MAP3K5: variants seen among roughly 807,000 people sequenced by gnomAD.
MAP3K5 encodes ASK-1.
Under a neutral mutation model 158.7 loss-of-function variants are expected in MAP3K5, and 56 were observed. The ratio of observed to expected loss-of-function variants is 0.35; its 90% CI spans 0.28 to 0.44. MAP3K5 has a LOEUF of 0.44. MAP3K5 is among the 20% of genes least tolerant of loss of function. MAP3K5 has a pLI of 1.00. For missense variants in MAP3K5, 1,294 were observed against 1,674.8 expected, an observed-to-expected ratio of 0.77 and a Z score of 3.97; for synonymous variants, 579 against 601.7, an observed-to-expected ratio of 0.96 and a Z score of 0.55.
At chr6:136,681,949 C>T (rs546604748) in intron 7 of MAP3K5, among the ~76,000 whole-genome samples, 9 of 152,204 alleles carry the variant, frequency 5.9e-5, no homozygotes, top group African/African-American at 2.2e-4. Context: ...TCTTAGACCT[C>T]AACTTGGTCA....
intron 7 of MAP3K5, among the ~76,000 whole-genome samples, chr6:136,679,420 T>A (rs7753357): frequency 0.18 from 27,691 of 152,136 alleles, 4,029 homozygotes; most frequent in African/African-American, 0.4. Context: ...AAAGGTAATT[T>A]AATTAGAATT....
intron 20 of MAP3K5, 135 bp downstream of exon 20, chr6:136,601,667 G>A: frequency 1.3e-6 from 1 of 761,056 alleles, no homozygotes; most frequent in Non-Finnish European, 2.1e-6. Flanking sequence ...AAATGCCTGA[G>A]AACACTGTGC....
At chr6:136,623,422 T>A (rs1413294101) in intron 14 of MAP3K5, among the ~76,000 whole-genome samples, 1 of 152,192 alleles carries the variant, frequency 6.6e-6, no homozygotes, top group Non-Finnish European at 1.5e-5. Flanking sequence ...ACCGAAAGGC[T>A]TTGGGTAAGA....
intron 3 of MAP3K5, among the ~76,000 whole-genome samples, 198 bp downstream of exon 3, chr6:136,704,912 C>A (rs1281330581): frequency 6.6e-6 from 1 of 152,032 alleles, no homozygotes; most frequent in Non-Finnish European, 1.5e-5. Context: ...GTATCAGTGC[C>A]ATCTCTCATT....
chr6:136,694,210 G>C lies in MAP3K5; in HGVS notation c.1183C>G (p.Arg395Gly). ...TCCAAAAACATATCTTTGTAGATTCGACCAACTAGGCAATACATATCTGAA... is the reference window on the plus strand; with the variant it reads ...TCCAAAAACATATCTTTGTAGATTCCACCAACTAGGCAATACATATCTGAA... ...VASDMYCLVG[R>G]IYKDMFLDSN... Residue 395 changes from arginine to glycine, a missense_variant, in exon 7 of 30, where the codon CGA becomes GGA. Around this residue, in one of 5 missense-constraint regions of MAP3K5, gnomAD observed 690 missense variants for 870.5 expected, o/e 0.79. Transcript: ENST00000359015. The C allele has an allele frequency of 1.2e-6, 2 of 1,613,624 alleles. No individual in the cohort carries two copies. Among genetic ancestry groups the C allele is most frequent in the South Asian group, 1.1e-5 (1 of 91,062 alleles).
At chr6:136,712,815 G>C (rs918489853) in intron 2 of MAP3K5, among the ~76,000 whole-genome samples, 2 of 152,246 alleles carry the variant, frequency 1.3e-5, no homozygotes, top group South Asian at 4.1e-4. Flanking sequence ...TAAGTCTCAC[G>C]AGGTCTGATG....
chr6:136,611,319 C>A lies in MAP3K5; in HGVS notation c.2484G>T (p.Arg828Ser). 1 of 1,613,372 alleles carries A rather than the reference C, an allele frequency of 6.2e-7. No homozygotes were observed. Among genetic ancestry groups the A allele is most frequent in the Non-Finnish European group, 8.5e-7 (1 of 1,179,568 alleles). Residue 828 changes from arginine to serine, a missense_variant, in exon 18 of 30, where the codon AGG (arginine) becomes AGT (serine). Physicochemically the swap from Arg to Ser is moderately radical, Grantham distance 110. This residue lies in a region of MAP3K5 where 362 missense variants were observed against 463.2 expected (regional missense o/e 0.78). Transcript: ENST00000359015. Reference sequence around the variant, plus strand: ...CAGTACAGGGGTTTATGCCAGCAAGCCTCTTTGATGTTCCGAAGTCAGAGA... The same window carrying A: ...CAGTACAGGGGTTTATGCCAGCAAGACTCTTTGATGTTCCGAAGTCAGAGA... ...LKISDFGTSK[R>S]LAGINPCTET...
intron 1 of MAP3K5, among the ~76,000 whole-genome samples, chr6:136,753,400 T>C (rs1783312353): frequency 6.6e-6 from 1 of 152,148 alleles, no homozygotes; most frequent in African/African-American, 2.4e-5. Context: ...GCATGCAGAA[T>C]GGTAAGGATG....
chr6:136,784,342 C>T (rs570392762), intron 1 of MAP3K5, among the ~76,000 whole-genome samples: 5 of 152,204 alleles, frequency 3.3e-5, no homozygotes, highest in African/African-American at 4.8e-5. Flanking sequence ...TGCTTTTTTC[C>T]GTCCGATTTT....
chr6:136,788,174 AAAGT>A (rs1215983202), intron 1 of MAP3K5, among the ~76,000 whole-genome samples: 4 of 152,340 alleles, frequency 2.6e-5, no homozygotes, highest in Non-Finnish European at 4.4e-5. Context: ...CAAAGTCAAC[AAAGT>A]AAGTAATGGA....
intron 15 of MAP3K5, among the ~76,000 whole-genome samples, chr6:136,617,963 C>A (rs1257535838): frequency 6.6e-6 from 1 of 152,008 alleles, no homozygotes; most frequent in Admixed American, 6.6e-5. Context: ...ATAACCAGTT[C>A]AGGATATGTA....
At chr6:136,711,365 G>A (rs979647992) in intron 2 of MAP3K5, among the ~76,000 whole-genome samples, 5 of 152,034 alleles carry the variant, frequency 3.3e-5, no homozygotes, top group African/African-American at 9.7e-5. Flanking sequence ...TTTCTCTTCT[G>A]TAAAGAAAAT....
rs796191934 is a variant in MAP3K5, at chr6:136,702,829, G to T, written c.612+2281C>A. On this transcript the variant is annotated intron_variant, in intron 3 of 29. Coordinates refer to ENST00000359015, the MANE Select transcript of MAP3K5 (RefSeq NM_005923.4). ...TCGTGCCTCAGCCTCCCAAGTAACT[G>T]GGATTACAGGCATGCGCCACCACAC... is the stretch of plus-strand genomic sequence containing the variant. Among the ~76,000 whole-genome samples the T allele has an allele frequency of 8.5e-5, 13 of 152,250 alleles. 2 individuals are homozygous for T. Among genetic ancestry groups the T allele is most frequent in the African/African-American group, 2.9e-4 (12 of 41,550 alleles).
chr6:136,733,535 CA>C (rs1258278432), intron 1 of MAP3K5, among the ~76,000 whole-genome samples: 1 of 151,972 alleles, frequency 6.6e-6, no homozygotes, highest in African/African-American at 2.4e-5. Flanking sequence ...AGGTCCTACC[CA>C]AAAAAGTGTT....
chr6:136,684,000 G>T (rs1326394938), intron 7 of MAP3K5, among the ~76,000 whole-genome samples: 1 of 152,104 alleles, frequency 6.6e-6, no homozygotes, highest in East Asian at 1.9e-4. Flanking sequence ...GGGAAGCTGG[G>T]GTGTTAGTAT....
intron 1 of MAP3K5, among the ~76,000 whole-genome samples, chr6:136,743,086 T>TA (rs990512863): frequency 2.7e-4 from 40 of 149,356 alleles, no homozygotes; most frequent in South Asian, 1.3e-3. Flanking sequence ...ACCTTGTCTC[T>TA]AAAAAAAAAG....
chr6:136,600,989 T>A, intron 21 of MAP3K5, 33 bp downstream of exon 21: 1 of 1,612,674 alleles, frequency 6.2e-7, no homozygotes, highest in South Asian at 1.1e-5. Context: ...ACACCAGGTC[T>A]CAGCTCAATG....
At chr6:136,749,260 C>G (rs113016943) in intron 1 of MAP3K5, among the ~76,000 whole-genome samples, 50,894 of 151,698 alleles carry the variant, frequency 0.34, 10,451 homozygotes, top group Non-Finnish European at 0.45. Context: ...CTAATCCCAG[C>G]TACTCAGGAG....
At chr6:136,741,627 G>T (rs1782712878) in intron 1 of MAP3K5, among the ~76,000 whole-genome samples, 1 of 151,570 alleles carries the variant, frequency 6.6e-6, no homozygotes, top group African/African-American at 2.4e-5. Flanking sequence ...ACATCATACT[G>T]GAAATCCCAG....
Sources: gnomAD v4.1 joint callset for allele counts (sites outside exome capture counted in the v4.1 genomes callset) on GRCh38, gnomAD v4.1.1 for gene constraint, gnomAD v4.1.1 regional missense constraint, MANE v1.5 for transcripts, NCBI Gene and HGNC (gene_info 2026-07-23, HGNC 2026-07-21) for gene names.